CSMD1: variants seen among roughly 807,000 people sequenced by gnomAD.
CSMD1 encodes CUB and sushi domain-containing protein 1.
CSMD1 carries 213 observed loss-of-function variants against 417.5 expected under a neutral mutation model. The observed-to-expected ratio is 0.51, with a 90% CI of 0.46 to 0.57. The LOEUF (loss-of-function observed/expected upper bound fraction) is 0.57, where lower values mean the gene tolerates loss of function less well. CSMD1 is among the 20% of genes least tolerant of loss of function. CSMD1 has a pLI of 0.00. For synonymous variants in CSMD1, 2,862 were observed against 1,736.8 expected (o/e 1.65, Z -16.11); for missense variants, 6,923 against 4,529.7 (o/e 1.53, Z -15.17).
intron 3 of CSMD1, among the ~76,000 whole-genome samples, chr8:4,361,824 G>C (rs1003782853): frequency 1.5e-4 from 23 of 152,116 alleles, no homozygotes; most frequent in South Asian, 8.3e-4. Flanking sequence ...GCGTGGTGCG[G>C]GGCGCCTGTA....
At chr8:3,063,204 G>C (rs553081809) in intron 49 of CSMD1, among the ~76,000 whole-genome samples, 1 of 152,232 alleles carries the variant, frequency 6.6e-6, no homozygotes, top group South Asian at 2.1e-4. Flanking sequence ...CTGATAAGTG[G>C]GCTTGTTGGG....
chr8:4,266,594 T>A (rs1804239656), intron 3 of CSMD1, among the ~76,000 whole-genome samples: 1 of 105,074 alleles, frequency 9.5e-6, no homozygotes, highest in Non-Finnish European at 2.6e-5. Flanking sequence ...TACAGGTATG[T>A]CCCCACTAAT....
chr8:3,633,110 C>T (rs1164921873), intron 7 of CSMD1, among the ~76,000 whole-genome samples: 14 of 152,190 alleles, frequency 9.2e-5, no homozygotes, highest in Admixed American at 9.2e-4. Flanking sequence ...ATTGTTTTAA[C>T]ATTTATTTCT....
At chr8:4,814,203 T>TGTGTGTGTGTGTGTGCGTGTGC (rs2117349737) in intron 1 of CSMD1, among the ~76,000 whole-genome samples, 1 of 150,916 alleles carries the variant, frequency 6.6e-6, no homozygotes, top group Non-Finnish European at 1.5e-5. Flanking sequence ...ATTTTGTGTG[T>TGTGTGTGTGTGTGTGCGTGTGC]GTGTGTGTGT....
chr8:4,648,624 T>C (rs781638326), intron 1 of CSMD1, among the ~76,000 whole-genome samples: 2 of 152,226 alleles, frequency 1.3e-5, no homozygotes, highest in East Asian at 1.9e-4. Flanking sequence ...AAAATCATGA[T>C]GCATATCACC....
chr8:3,684,198 C>A (rs1799815403), intron 7 of CSMD1, among the ~76,000 whole-genome samples: 2 of 46,904 alleles, frequency 4.3e-5, no homozygotes, highest in African/African-American at 1.5e-4. Context: ...ATATATATAA[C>A]ATGTAATTAT....
intron 5 of CSMD1, among the ~76,000 whole-genome samples, chr8:3,760,105 A>T (rs1400315233): frequency 6.6e-6 from 1 of 152,074 alleles, no homozygotes; most frequent in East Asian, 1.9e-4. Context: ...GAGAAGTGAG[A>T]AAAAGAGTAA....
chr8:4,839,304 G>C (rs931061538), intron 1 of CSMD1, among the ~76,000 whole-genome samples: 3 of 152,164 alleles, frequency 2.0e-5, no homozygotes, highest in Non-Finnish European at 4.4e-5. Context: ...ATAGCAGACA[G>C]AAGGGACAAG....
chr8:4,814,651 G>A (rs957988066), intron 1 of CSMD1, among the ~76,000 whole-genome samples: 1 of 152,122 alleles, frequency 6.6e-6, no homozygotes. Flanking sequence ...CTGTATACTA[G>A]TAGGAGACTT....
chr8:4,450,310 G>C (rs1054467487), intron 2 of CSMD1, among the ~76,000 whole-genome samples: 1 of 152,154 alleles, frequency 6.6e-6, no homozygotes, highest in African/African-American at 2.4e-5. Context: ...CTGCAACTCA[G>C]AGTATTTTTT....
rs1800447052 is a variant in CSMD1, at chr8:4,086,835, C to CT, written c.416-54737dup. Among the ~76,000 whole-genome samples, 3 of 152,232 alleles carry CT rather than the reference C, an allele frequency of 2.0e-5. No homozygotes were observed. The South Asian group carries it at 6.2e-4, about 32-fold the overall frequency. On this transcript the variant is annotated intron_variant, in intron 3 of 69. Coordinates refer to ENST00000635120, the MANE Select transcript of CSMD1 (RefSeq NM_033225.6). ...CTGAGATGAAAACTTTGCATGCATC[C>CT]TTGTCAAATTTCATCACGTTTCTGG...
intron 5 of CSMD1, among the ~76,000 whole-genome samples, chr8:3,796,531 G>T (rs1330676077): frequency 2.8e-5 from 4 of 140,824 alleles, no homozygotes; most frequent in South Asian, 4.5e-4. Context: ...CTATATCTAA[G>T]ATATATATCT....
At position 3,468,699 on chromosome 8, in the gene CSMD1, A is replaced by C. The variant is rs1816920573; in HGVS notation, c.1561+13T>G. The C allele has an allele frequency of 1.3e-6, 2 of 1,542,146 alleles. No homozygotes were observed. The highest frequency in any genetic ancestry group is 8.9e-7 in the Non-Finnish European group (1 of 1,124,902). On this transcript the variant is annotated intron_variant, in intron 12 of 69. Transcript: ENST00000635120. The stretch of plus-strand genomic sequence containing the variant: ...GCTAACTTCCAACCCTGTGAAGTGT[A>C]ATCTCATCATACCTTGGTAAACAGC...
At chr8:4,532,838 C>T (rs991933037) in intron 2 of CSMD1, among the ~76,000 whole-genome samples, 9 of 143,794 alleles carry the variant, frequency 6.3e-5, no homozygotes, top group African/African-American at 1.3e-4. Flanking sequence ...TCAGTCACTC[C>T]GGAAAAGAAA....
chr8:3,429,475 C>T (rs559430204), intron 12 of CSMD1, among the ~76,000 whole-genome samples: 2 of 152,144 alleles, frequency 1.3e-5, no homozygotes, highest in Non-Finnish European at 2.9e-5. Context: ...CAGATGTTCA[C>T]TGACCTTCAT....
chr8:3,043,194 C>T (rs959934974), intron 50 of CSMD1, among the ~76,000 whole-genome samples: 6 of 151,178 alleles, frequency 4.0e-5, no homozygotes, highest in Admixed American at 6.6e-5. Flanking sequence ...GTCACTATAG[C>T]GATAGGTTTC....
At chr8:3,557,341 G>C (rs1397733079) in intron 10 of CSMD1, among the ~76,000 whole-genome samples, 2 of 152,140 alleles carry the variant, frequency 1.3e-5, no homozygotes, top group Non-Finnish European at 2.9e-5. Context: ...TGCCTCTCTA[G>C]TGGGGTAAAA....
intron 1 of CSMD1, among the ~76,000 whole-genome samples, chr8:4,964,073 C>T (rs1366925253): frequency 3.3e-5 from 5 of 151,842 alleles, no homozygotes; most frequent in African/African-American, 9.7e-5. Context: ...ACATATCTGG[C>T]TTTCTGGGTT....
At chr8:3,231,833 G>A (rs1295545589) in intron 26 of CSMD1, among the ~76,000 whole-genome samples, 1 of 152,102 alleles carries the variant, frequency 6.6e-6, no homozygotes, top group Non-Finnish European at 1.5e-5. Context: ...CTTATCATCA[G>A]CTAACAAATC....
Sources: allele counts gnomAD v4.1 joint callset (sites outside exome capture counted in the v4.1 genomes callset), GRCh38; gene constraint gnomAD v4.1.1; transcripts MANE v1.5; gene names NCBI Gene and HGNC (gene_info 2026-07-23, HGNC 2026-07-21).